Variants in PITPNM3 observed in about 807,000 individuals in gnomAD.
PITPNM3 encodes the protein membrane-associated phosphatidylinositol transfer protein 3.
In PITPNM3, 26 loss-of-function variants were observed where a neutral mutation model predicts 102.0. That is an observed-to-expected ratio of 0.25 (90% CI 0.19 to 0.35). PITPNM3 has a LOEUF of 0.35. Among genes scored for constraint, PITPNM3 ranks in the 10% least tolerant of loss-of-function variants. The probability of loss-of-function intolerance (pLI) is 1.00; values close to 1 mark genes in which losing one functional copy is unlikely to be tolerated. For missense variants in PITPNM3, 1,083 were observed against 1,346.1 expected, an observed-to-expected ratio of 0.80 and a Z score of 3.06; for synonymous variants, 578 against 558.6, an observed-to-expected ratio of 1.03 and a Z score of -0.49.
At chr17:6,523,882 G>T (rs1237849679) in intron 3 of PITPNM3, among the ~76,000 whole-genome samples, 1 of 152,208 alleles carries the variant, frequency 6.6e-6, no homozygotes, top group East Asian at 1.9e-4. Context: ...GCCTGACTTT[G>T]TTGGGGCCCA....
intron 4 of PITPNM3, among the ~76,000 whole-genome samples, chr17:6,498,965 A>G (rs948790671): frequency 6.6e-6 from 1 of 152,164 alleles, no homozygotes; most frequent in Admixed American, 6.5e-5. Context: ...GCCAGGGGAC[A>G]GAGAGGTGGC....
chr17:6,512,621 A>C (rs946781695), intron 3 of PITPNM3, among the ~76,000 whole-genome samples: 4 of 152,178 alleles, frequency 2.6e-5, no homozygotes, highest in African/African-American at 9.7e-5. Context: ...AAGAGATGTT[A>C]ATGCTGTTAG....
rs576147425 is a variant in PITPNM3, at chr17:6,509,702, A to G, written c.227-6128T>C. Among the ~76,000 whole-genome samples the G allele has an allele frequency of 5.9e-5, 9 of 152,218 alleles. No individual in the cohort carries two copies. The South Asian group carries it at 8.3e-4, about 14-fold the overall frequency. ...CACTCCCAGCATGGAGCCTCCCCTGAGCTGCAGGTTGAGACTCACGCTCAT... is the reference window on the plus strand; with the variant it reads ...CACTCCCAGCATGGAGCCTCCCCTGGGCTGCAGGTTGAGACTCACGCTCAT... On this transcript the variant is annotated intron_variant, in intron 3 of 19. Coordinates refer to ENST00000262483, the MANE Select transcript of PITPNM3 (RefSeq NM_031220.4).
In PITPNM3 at chr17:6,469,513, T is replaced by C. The variant is rs1014347629; in HGVS notation, c.1773+747A>G. Among the ~76,000 whole-genome samples the C allele has an allele frequency of 6.6e-6, 1 of 151,956 alleles. No individual in the cohort carries two copies. Among genetic ancestry groups the C allele is most frequent in the Non-Finnish European group, 1.5e-5 (1 of 67,992 alleles). ...CACAGAACCACCTTAGTCACTCAAGTGGGAAACAGGACGTACTGGGCTCCC... is the reference window on the plus strand; with the variant it reads ...CACAGAACCACCTTAGTCACTCAAGCGGGAAACAGGACGTACTGGGCTCCC... On this transcript the variant is annotated intron_variant, in intron 13 of 19. Transcript: ENST00000262483. This position sits in a 1 kb window ranked among gnomAD's most constrained non-coding sequence, Gnocchi z 4.0.
Position 6,455,153 on chromosome 17 carries a change from G to T in PITPNM3, c.*185C>A. Reference sequence around the variant, plus strand: ...CACCGAGATCCCCGGACCTCACCCCGTCGCAGCTCAGGGAGCCCCCCGGGC... The same window carrying T: ...CACCGAGATCCCCGGACCTCACCCCTTCGCAGCTCAGGGAGCCCCCCGGGC... On this transcript the variant is annotated 3_prime_UTR_variant, in exon 20 of 20. Coordinates refer to ENST00000262483, the MANE Select transcript of PITPNM3 (RefSeq NM_031220.4). The T allele has an allele frequency of 1.4e-6, 1 of 727,510 alleles. No individual in the cohort carries two copies. Among genetic ancestry groups the T allele is most frequent in the Non-Finnish European group, 2.1e-6 (1 of 476,508 alleles). 45.1% of individuals were successfully genotyped at this position (727,510 alleles called of 1,614,324 possible).
chr17:6,534,578 A>AC (rs1909311810), intron 2 of PITPNM3, among the ~76,000 whole-genome samples: 1 of 152,190 alleles, frequency 6.6e-6, no homozygotes, highest in African/African-American at 2.4e-5. Flanking sequence ...CAGCCCCTGC[A>AC]CTTCCACCTT....
intron 15 of PITPNM3, 140 bp from the exon 16 acceptor site, chr17:6,464,458 CT>C: frequency 1.8e-6 from 2 of 1,122,890 alleles, no homozygotes; most frequent in Non-Finnish European, 2.6e-6. Context: ...CTCATTTGTC[CT>C]TGGATACTCT....
At chr17:6,481,751 G>GATAGATAGATAGATAGATAA (rs1905685276) in intron 6 of PITPNM3, 1 of 150,154 alleles carries the variant, frequency 6.7e-6, no homozygotes, top group Non-Finnish European at 1.5e-5. Context: ...TAGATAGATA[G>GATAGATAGATAGATAGATAA]ATAGATAGAT....
At chr17:6,508,631 G>A (rs983555369) in intron 3 of PITPNM3, among the ~76,000 whole-genome samples, 1 of 152,172 alleles carries the variant, frequency 6.6e-6, no homozygotes, top group Admixed American at 6.5e-5. Context: ...CATTTGCAAG[G>A]GGTGCAGAGA....
intron 1 of PITPNM3, among the ~76,000 whole-genome samples, chr17:6,543,442 G>T (rs1046868148): frequency 6.6e-6 from 1 of 152,374 alleles, no homozygotes; most frequent in South Asian, 2.1e-4. Context: ...AGCCCCAGGG[G>T]CAGAGTCCTC....
chr17:6,522,892 C>T (rs1307445682), intron 3 of PITPNM3, among the ~76,000 whole-genome samples: 1 of 152,104 alleles, frequency 6.6e-6, no homozygotes, highest in Non-Finnish European at 1.5e-5. Flanking sequence ...ATGACAAGGC[C>T]ATCCTGCTTG....
chr17:6,453,376 G>A lies in PITPNM3; in HGVS notation c.*1962C>T, dbSNP rs1380892345. On this transcript the variant is annotated 3_prime_UTR_variant, in exon 20 of 20. Transcript: ENST00000262483. ...TAGGGTTGGGGTGGCTATGCCATAT[G>A]AGCTGGTGCCTTTGGAAAGCCAAGA... The A allele has an allele frequency of 6.6e-6, 1 of 152,350 alleles. No individual in the cohort carries two copies. The highest frequency in any genetic ancestry group is 1.9e-4 in the East Asian group (1 of 5,192). 9.4% of individuals were successfully genotyped at this position (152,350 alleles called of 1,614,324 possible).
At chr17:6,476,955 A>G in intron 9 of PITPNM3, 74 bp downstream of exon 9, 1 of 1,543,112 alleles carries the variant, frequency 6.5e-7, no homozygotes, top group Non-Finnish European at 8.9e-7. Flanking sequence ...AGGGCCTGGG[A>G]CATCTGACTG....
intron 3 of PITPNM3, among the ~76,000 whole-genome samples, chr17:6,522,286 G>GCGCGCGCACA (rs145090085): frequency 6.7e-6 from 1 of 149,218 alleles, no homozygotes; most frequent in African/African-American, 2.5e-5. Flanking sequence ...TTTAGTGTGC[G>GCGCGCGCACA]CACACACACA....
intron 2 of PITPNM3, among the ~76,000 whole-genome samples, chr17:6,535,641 G>A (rs184538415): frequency 1.3e-3 from 193 of 152,190 alleles, no homozygotes; most frequent in Admixed American, 3.0e-3. Flanking sequence ...GGAAGTGGCC[G>A]GGTGCGGTGG....
At chr17:6,529,980 C>G (rs555385982) in intron 2 of PITPNM3, among the ~76,000 whole-genome samples, 234 of 152,298 alleles carry the variant, frequency 1.5e-3, no homozygotes, top group African/African-American at 5.5e-3. Flanking sequence ...CACACCTGTG[C>G]TTTGCTTCTG....
In PITPNM3 at chr17:6,453,737, T is replaced by C; in HGVS notation, c.*1601A>G. The C allele has an allele frequency of 6.6e-6, 1 of 151,810 alleles. No individual in the cohort carries two copies. The allele number at this position is 151,810 out of a possible 1,614,324, so 9.4% of individuals were successfully genotyped here. On this transcript the variant is annotated 3_prime_UTR_variant, in exon 20 of 20. Coordinates refer to ENST00000262483, the MANE Select transcript of PITPNM3 (RefSeq NM_031220.4). ...CTGGCTGCATGGGAGCCGCGAGAGG[T>C]AGACATTGAGCAGAAGCGACACTGA...
chr17:6,536,598 A>G (rs1405971732), intron 2 of PITPNM3, among the ~76,000 whole-genome samples: 1 of 152,126 alleles, frequency 6.6e-6, no homozygotes, highest in African/African-American at 2.4e-5. Context: ...AAAATCACCC[A>G]AACTGAGTCT....
In PITPNM3 at chr17:6,476,499, C is replaced by A. The variant is rs186630631; in HGVS notation, c.1085+530G>T. Reference sequence around the variant, plus strand: ...CAGTTCTGTAGAGGAGCCTGCCTGGCCCATAAACAAAAGTGTGTTGGATTA... The same window carrying A: ...CAGTTCTGTAGAGGAGCCTGCCTGGACCATAAACAAAAGTGTGTTGGATTA... On this transcript the variant is annotated intron_variant, in intron 9 of 19. Coordinates refer to ENST00000262483, the MANE Select transcript of PITPNM3 (RefSeq NM_031220.4). Among the ~76,000 whole-genome samples the A allele has an allele frequency of 1.8e-3, 281 of 152,284 alleles. 1 individual carries two copies. The highest frequency in any genetic ancestry group is 2.9e-3 in the Admixed American group (44 of 15,298).
Sources: gnomAD v4.1 joint callset for allele counts (sites outside exome capture counted in the v4.1 genomes callset) on GRCh38, gnomAD v4.1.1 for gene constraint, Gnocchi (gnomAD v3.1) non-coding constraint, MANE v1.5 for transcripts, NCBI Gene and HGNC (gene_info 2026-07-23, HGNC 2026-07-21) for gene names.